The following PDE4D variants were observed in gnomAD, a reference collection of about 807,000 sequenced individuals.
PDE4D encodes 3',5'-cyclic-AMP phosphodiesterase 4D.
A neutral mutation model predicts 87.4 loss-of-function variants in PDE4D; 24 were observed. That is an observed-to-expected ratio of 0.27 (90% CI 0.20 to 0.39). The LOEUF (loss-of-function observed/expected upper bound fraction) is 0.39, where lower values mean the gene tolerates loss of function less well. Among genes scored for constraint, PDE4D ranks in the 10% least tolerant of loss-of-function variants. The pLI is 1.00. For synonymous variants in PDE4D, 384 were observed against 383.2 expected (o/e 1.00, Z -0.02); for missense variants, 714 against 1,041.0 (o/e 0.69, Z 4.32).
At chr5:59,352,582 A>C (rs16889682) in intron 1 of PDE4D, among the ~76,000 whole-genome samples, 10,048 of 152,154 alleles carry the variant, frequency 0.066, 919 homozygotes, top group African/African-American at 0.2. Context: ...TAGCTATGAG[A>C]CCACACTCTC....
chr5:59,583,188 T>C (rs1156917287), intron 1 of PDE4D, among the ~76,000 whole-genome samples: 1 of 152,238 alleles, frequency 6.6e-6, no homozygotes, highest in Non-Finnish European at 1.5e-5. Flanking sequence ...AAAGTTGTTA[T>C]ATATCTTTTA....
intron 5 of PDE4D, among the ~76,000 whole-genome samples, chr5:59,085,125 A>G (rs1767434859): frequency 6.6e-6 from 1 of 152,196 alleles, no homozygotes; most frequent in Non-Finnish European, 1.5e-5. Flanking sequence ...ATTCATCACA[A>G]TAGTGCTTAT....
At chr5:59,901,920 GCAAACACA>G (rs1253757590) in intron 3 of PDE4D, among the ~76,000 whole-genome samples, 10 of 97,140 alleles carry the variant, frequency 1.0e-4, no homozygotes, top group African/African-American at 3.6e-4. Flanking sequence ...TGTCTTACAT[GCAAACACA>G]CACACACACA....
chr5:59,751,018 C>T (rs1760377198), intron 1 of PDE4D, among the ~76,000 whole-genome samples: 1 of 151,230 alleles, frequency 6.6e-6, no homozygotes, highest in South Asian at 2.1e-4. Flanking sequence ...TTCTCTATCT[C>T]CAGAAGAACA....
At chr5:59,160,845 C>A (rs886998712) in intron 5 of PDE4D, among the ~76,000 whole-genome samples, 4 of 152,096 alleles carry the variant, frequency 2.6e-5, no homozygotes, top group Non-Finnish European at 4.4e-5. Flanking sequence ...CGCCTGTAAT[C>A]CCAGCACTTT....
chr5:59,912,326 AC>A (rs2152771120), intron 3 of PDE4D, among the ~76,000 whole-genome samples: 1 of 152,314 alleles, frequency 6.6e-6, no homozygotes, highest in East Asian at 1.9e-4. Flanking sequence ...TTTTAATGTA[AC>A]TCACCTTAAA....
intron 1 of PDE4D, among the ~76,000 whole-genome samples, chr5:60,347,354 T>C (rs1257897969): frequency 6.6e-6 from 1 of 152,122 alleles, no homozygotes. Context: ...AGCCAGATCA[T>C]GCAGACATTT....
At position 59,200,029 on chromosome 5, in the gene PDE4D, A is replaced by G. The variant is rs568736261; in HGVS notation, c.648-6493T>C. Among the ~76,000 whole-genome samples, 1,445 of 150,104 alleles carry G rather than the reference A, an allele frequency of 9.6e-3. 9 individuals carry two copies. Among genetic ancestry groups the G allele is most frequent in the Non-Finnish European group, 0.011 (771 of 67,396 alleles). On this transcript the variant is annotated intron_variant, in intron 2 of 14. Coordinates refer to ENST00000340635, the MANE Select transcript of PDE4D (RefSeq NM_001104631.2). ...AACATACATACATGCACATATACAT[A>G]CATGCACACACACGTATGTACACAC...
rs114842763 is a variant in PDE4D, at chr5:60,439,200, T to C, written c.-90+48742A>G. ...TACCTTATGGCTTAATTAGGGACCA[T>C]TGTTTTCACACCAATATCAAAGCTC... On this transcript the variant is annotated intron_variant, in intron 1 of 16. Coordinates refer to the PDE4D transcript ENST00000502484. 2.4e-3 allele frequency among the ~76,000 whole-genome samples: 362 copies of C among 152,288 alleles called. 1 individual carries two copies. The highest frequency in any genetic ancestry group is 8.5e-3 in the African/African-American group (352 of 41,570).
chr5:60,194,891 A>G (rs1174764576), intron 1 of PDE4D, among the ~76,000 whole-genome samples: 1 of 151,652 alleles, frequency 6.6e-6, no homozygotes, highest in Non-Finnish European at 1.5e-5. Flanking sequence ...CCTACAGCAT[A>G]AAGTCCAAAT....
chr5:60,292,001 T>C (rs1583320776), intron 1 of PDE4D, among the ~76,000 whole-genome samples: 2 of 152,284 alleles, frequency 1.3e-5, no homozygotes, highest in African/African-American at 4.8e-5. Context: ...TTTCGTTACA[T>C]AGGGAAACAT....
chr5:60,348,900 A>T (rs899957538), intron 1 of PDE4D, among the ~76,000 whole-genome samples: 1 of 152,144 alleles, frequency 6.6e-6, no homozygotes, highest in African/African-American at 2.4e-5. Context: ...GAAATTGGGG[A>T]CCACTAGGAA....
At chr5:60,178,863 G>C (rs1163897246) in intron 2 of PDE4D, among the ~76,000 whole-genome samples, 1 of 152,130 alleles carries the variant, frequency 6.6e-6, no homozygotes, top group East Asian at 1.9e-4. Context: ...TGAATTGGTG[G>C]TGTGTTAACT....
intron 1 of PDE4D, among the ~76,000 whole-genome samples, chr5:59,733,515 G>T (rs1379668419): frequency 3.3e-5 from 5 of 152,072 alleles, no homozygotes; most frequent in Non-Finnish European, 5.9e-5. Flanking sequence ...AGCTTGGAAA[G>T]TGTTAGGATT....
chr5:58,999,458 A>T, intron 6 of PDE4D: 1 of 1,098,416 alleles, frequency 9.1e-7, no homozygotes, highest in Non-Finnish European at 1.3e-6. Flanking sequence ...TAATCAGAGT[A>T]AGGAGTTTTC....
chr5:60,124,049 C>T (rs147929306), intron 2 of PDE4D, among the ~76,000 whole-genome samples: 25 of 152,196 alleles, frequency 1.6e-4, no homozygotes, highest in Non-Finnish European at 2.1e-4. Context: ...AAAATTTGAA[C>T]GTAACACTTA....
At chr5:60,410,352 A>G (rs1741942591) in intron 1 of PDE4D, among the ~76,000 whole-genome samples, 1 of 152,062 alleles carries the variant, frequency 6.6e-6, no homozygotes, top group African/African-American at 2.4e-5. Context: ...CCTCCCCTAC[A>G]TACCAGACAT....
chr5:60,389,382 A>C (rs1762419255), intron 1 of PDE4D, among the ~76,000 whole-genome samples: 1 of 151,286 alleles, frequency 6.6e-6, no homozygotes, highest in Non-Finnish European at 1.5e-5. Flanking sequence ...ATGATTAAAA[A>C]ATTTTAATCA....
chr5:60,435,538 T>C (rs1194295049), intron 1 of PDE4D, among the ~76,000 whole-genome samples: 1 of 152,108 alleles, frequency 6.6e-6, no homozygotes, highest in East Asian at 1.9e-4. Context: ...CTCTCTTTGC[T>C]TAGAAGTCTA....
Sources: allele counts gnomAD v4.1 joint callset (sites outside exome capture counted in the v4.1 genomes callset), GRCh38; gene constraint gnomAD v4.1.1; transcripts MANE v1.5; gene names NCBI Gene and HGNC (gene_info 2026-07-23, HGNC 2026-07-21).